The following GCSAM variants were observed in gnomAD, a reference collection of about 807,000 sequenced individuals.
The protein encoded by GCSAM is germinal center associated signaling and motility, also known as germinal center-associated signaling and motility protein.
GCSAM carries 8 observed loss-of-function variants against 17.6 expected under a neutral mutation model. The ratio of observed to expected loss-of-function variants is 0.46; its 90% CI spans 0.27 to 0.82. The LOEUF (loss-of-function observed/expected upper bound fraction) is 0.82. Among genes scored for constraint, GCSAM ranks in the 40% least tolerant of loss-of-function variants. The pLI is 0.15. For missense variants in GCSAM, 192 were observed against 213.5 expected (o/e 0.90, Z 0.63); for synonymous variants, 68 against 69.0 (o/e 0.98, Z 0.07).
Position 112,123,200 on chromosome 3 carries a change from A to G in GCSAM, c.*255T>C, listed in dbSNP as rs1253433816. ...GAATCAGGGAGCCCCTCCTACCACT[A>G]TACTCTCCAAACCATGTAGAACCAA... On this transcript the variant is annotated 3_prime_UTR_variant, in exon 6 of 6. Coordinates refer to ENST00000308910, the MANE Select transcript of GCSAM (RefSeq NM_152785.5). 3 of 573,406 alleles carry G rather than the reference A, an allele frequency of 5.2e-6. No individual in the cohort carries two copies. The highest frequency in any genetic ancestry group is 8.9e-6 in the Non-Finnish European group (3 of 337,180). The allele number at this position is 573,406 out of a possible 1,614,324, so 35.5% of individuals were successfully genotyped here.
intron 1 of GCSAM, chr3:112,132,601 T>C (rs2074483709): frequency 3.1e-6 from 3 of 968,340 alleles, no homozygotes; most frequent in Non-Finnish European, 3.7e-6. Flanking sequence ...TAAATCTGAG[T>C]TCTGTGCCTA....
At position 112,122,097 on chromosome 3, in the gene GCSAM, C is replaced by T. The variant is rs549074271; in HGVS notation, c.*1358G>A. On this transcript the variant is annotated 3_prime_UTR_variant, in exon 6 of 6. Transcript: ENST00000308910. Reference sequence around the variant, plus strand: ...AGAATTTGCTAAATTGCCTTGGTCTCACTTATCCATTTGTGATTTAATATT... The same window carrying T: ...AGAATTTGCTAAATTGCCTTGGTCTTACTTATCCATTTGTGATTTAATATT... 29 of 152,348 alleles carry T rather than the reference C, an allele frequency of 1.9e-4. No individual in the cohort carries two copies. Among genetic ancestry groups the T allele is most frequent in the African/African-American group, 6.3e-4 (26 of 41,578 alleles). The allele number at this position is 152,348 out of a possible 1,614,324, so 9.4% of individuals were successfully genotyped here.
Position 112,123,376 on chromosome 3 carries a change from T to C in GCSAM, c.*79A>G, listed in dbSNP as rs1381774772. ...GGAGATAAGCTGGAGGGACTTTGTG[T>C]CCCATCCCTGCTTCAGGCAGATCCC... On this transcript the variant is annotated 3_prime_UTR_variant, in exon 6 of 6. Coordinates refer to ENST00000308910, the MANE Select transcript of GCSAM (RefSeq NM_152785.5). The C allele has an allele frequency of 6.4e-7, 1 of 1,556,756 alleles. No homozygotes were observed. Among genetic ancestry groups the C allele is most frequent in the Non-Finnish European group, 8.7e-7 (1 of 1,152,242 alleles).
intron 5 of GCSAM, among the ~76,000 whole-genome samples, chr3:112,124,085 G>A (rs2074256769): frequency 6.6e-6 from 1 of 152,186 alleles, no homozygotes; most frequent in Non-Finnish European, 1.5e-5. Flanking sequence ...ATTGTTGGAG[G>A]TGGTGCCTAG....
At chr3:112,128,981 G>A (rs1274158183) in intron 2 of GCSAM, 2 of 152,276 alleles carry the variant, frequency 1.3e-5, no homozygotes, top group Admixed American at 6.5e-5. Flanking sequence ...GAGGAGCAGT[G>A]GAGGAGAGGC....
At position 112,123,370 on chromosome 3, in the gene GCSAM, T is replaced by G. The variant is rs1576158008; in HGVS notation, c.*85A>C. 1 of 1,551,812 alleles carries G rather than the reference T, an allele frequency of 6.4e-7. No individual in the cohort carries two copies. Among genetic ancestry groups the G allele is most frequent in the East Asian group, 2.3e-5 (1 of 44,392 alleles). The stretch of plus-strand genomic sequence containing the variant: ...GTTGTGGGAGATAAGCTGGAGGGAC[T>G]TTGTGTCCCATCCCTGCTTCAGGCA... On this transcript the variant is annotated 3_prime_UTR_variant, in exon 6 of 6. Transcript: ENST00000308910.
intron 5 of GCSAM, among the ~76,000 whole-genome samples, chr3:112,124,219 A>G (rs775243322): frequency 2.4e-4 from 37 of 152,174 alleles, no homozygotes; most frequent in Non-Finnish European, 4.7e-4. Flanking sequence ...TAAATTACCC[A>G]GCTTTGCATA....
chr3:112,131,059 G>A (rs2074439827), intron 1 of GCSAM: 1 of 155,932 alleles, frequency 6.4e-6, no homozygotes, highest in Non-Finnish European at 1.4e-5. Flanking sequence ...TTGGGAATTG[G>A]GAGTATGAGG....
chr3:112,128,088 T>C (rs1576167296), intron 2 of GCSAM, 27 bp from the exon 3 acceptor site: 12 of 1,608,108 alleles, frequency 7.5e-6, no homozygotes, highest in Admixed American at 6.7e-5. Flanking sequence ...AGATGGCAAA[T>C]CATAAGGTTG....
rs780253672 is a variant in GCSAM at position 112,127,020 on chromosome 3, T to G, written c.157A>C (p.Ile53Leu). ...TGGGAATCTTGCCTCTTTTCAAAAATGAGTATTTTTTTCCTGTAAAAGAAA... is the reference window on the plus strand; with the variant it reads ...TGGGAATCTTGCCTCTTTTCAAAAAGGAGTATTTTTTTCCTGTAAAAGAAA... ...CFCLPWKKIL[I>L]FEKRQDSQNE... Residue 53 changes from isoleucine to leucine, a missense_variant, in exon 4 of 6, where the codon ATT (isoleucine) becomes CTT (leucine). Coordinates refer to ENST00000308910, the MANE Select transcript of GCSAM (RefSeq NM_152785.5). The G allele has an allele frequency of 9.5e-6, 15 of 1,586,576 alleles. No individual in the cohort carries two copies. In the South Asian group the frequency reaches 1.7e-4, roughly 18 times the overall value.
At position 112,125,245 on chromosome 3, in the gene GCSAM, A is replaced by T. The variant is rs753648823; in HGVS notation, c.200T>A (p.Met67Lys). The T allele has an allele frequency of 8.9e-6, 14 of 1,581,680 alleles. No homozygotes were observed. In the South Asian group the frequency reaches 1.4e-4, roughly 16 times the overall value. The part of the protein sequence containing the change: ...RQDSQNENER[M>K]SSTPIQDNVD... ...TATTACCTGGATGGGAGTAGATGAC[A>T]TTCTTTCATCTGGAGAAAGAAAATA... is the stretch of plus-strand genomic sequence containing the variant. The change falls in exon 5 of 6, where the codon ATG becomes AAG. Residue 67 changes from methionine to lysine, a missense_variant. Physicochemically the swap from Met to Lys is moderately conservative, Grantham distance 95. Coordinates refer to ENST00000308910, the MANE Select transcript of GCSAM (RefSeq NM_152785.5).
Position 112,123,708 on chromosome 3 carries a change from C to G in GCSAM, c.284G>C (p.Cys95Ser). The change falls in exon 6 of 6, where the codon TGT (cysteine) becomes TCT (serine). Residue 95 changes from cysteine to serine, a missense_variant. By Grantham distance (112) the Cys-to-Ser change is moderately radical (BLOSUM62 -1). Coordinates refer to ENST00000308910, the MANE Select transcript of GCSAM (RefSeq NM_152785.5). Reference sequence around the variant, plus strand: ...AGCAGAGTTCCCTGATGGCCTTGTACAGAGAACCCGATGATTGATGAGGGT... The same window carrying G: ...AGCAGAGTTCCCTGATGGCCTTGTAGAGAGAACCCGATGATTGATGAGGGT... Reference protein sequence around the residue: ...CYTLINHRVLCTRPSGNSAEE... With the variant: ...CYTLINHRVLSTRPSGNSAEE... 6.2e-7 allele frequency: 1 copy of G among 1,614,110 alleles called. No individual in the cohort carries two copies. The highest frequency in any genetic ancestry group is 1.3e-5 in the African/African-American group (1 of 75,034).
chr3:112,130,558 G>T, intron 1 of GCSAM, 45 bp from the exon 2 acceptor site: 1 of 1,518,116 alleles, frequency 6.6e-7, no homozygotes, highest in Non-Finnish European at 9.1e-7. Context: ...TTCCTAAACA[G>T]GCCTGTCACT....
Position 112,133,125 on chromosome 3 carries a change from T to G in GCSAM, c.-5A>C. ...TCTCAGCAGAGAATTTCCCATCCTCTCAGTCCTCTCAGGGCTTCCCCTCCG... is the reference window on the plus strand; with the variant it reads ...TCTCAGCAGAGAATTTCCCATCCTCGCAGTCCTCTCAGGGCTTCCCCTCCG... On this transcript the variant is annotated 5_prime_UTR_variant, in exon 1 of 6. Transcript: ENST00000308910. 3 of 1,613,856 alleles carry G rather than the reference T, an allele frequency of 1.9e-6. No homozygotes were observed. Among genetic ancestry groups the G allele is most frequent in the Non-Finnish European group, 2.5e-6 (3 of 1,179,718 alleles).
intron 5 of GCSAM, 65 bp downstream of exon 5, chr3:112,125,161 T>C: frequency 9.5e-7 from 1 of 1,047,356 alleles, no homozygotes; most frequent in Non-Finnish European, 1.5e-6. Flanking sequence ...CAACTTCTCC[T>C]GCCATTTAGG....
chr3:112,126,953 CA>C, intron 4 of GCSAM, 33 bp downstream of exon 4: 3 of 1,455,112 alleles, frequency 2.1e-6, no homozygotes, highest in Non-Finnish European at 1.9e-6. Context: ...TAAGTCTTAT[CA>C]AAAGTGAAAA....
At chr3:112,130,375 G>T in intron 2 of GCSAM, 70 bp downstream of exon 2, 2 of 1,249,288 alleles carry the variant, frequency 1.6e-6, no homozygotes, top group African/African-American at 1.5e-5. Flanking sequence ...GGGATGTGAA[G>T]TCCAGGGCTT....
rs570277192 is a variant in GCSAM at position 112,131,851 on chromosome 3, C to A, written c.29+1241G>T. On this transcript the variant is annotated intron_variant, in intron 1 of 5. Coordinates refer to ENST00000308910, the MANE Select transcript of GCSAM (RefSeq NM_152785.5). ...CCAAAAAGCTTTCTAGATTTAAAAT[C>A]GAATTTTCTTTAAAATAAATAAAAA... Among the ~76,000 whole-genome samples the A allele has an allele frequency of 6.1e-4, 93 of 152,080 alleles. No homozygotes were observed. In the South Asian group the frequency reaches 0.016, roughly 27 times the overall value.
At chr3:112,128,210 G>A (rs2074374105) in intron 2 of GCSAM, 149 bp from the exon 3 acceptor site, 1 of 724,328 alleles carries the variant, frequency 1.4e-6, no homozygotes, top group East Asian at 2.7e-5. Flanking sequence ...ATCTCTCATG[G>A]TAGAATGCCT....
Sources: allele counts gnomAD v4.1 joint callset (sites outside exome capture counted in the v4.1 genomes callset), GRCh38; gene constraint gnomAD v4.1.1; transcripts MANE v1.5; gene names NCBI Gene and HGNC (gene_info 2026-07-23, HGNC 2026-07-21).